Variants in COL23A1 observed in about 807,000 individuals in gnomAD.
COL23A1 encodes the protein collagen alpha-1(XXIII) chain.
Under a neutral mutation model 99.3 loss-of-function variants are expected in COL23A1, and 97 were observed. That is an observed-to-expected ratio of 0.98 (90% confidence interval 0.83 to 1.16). The LOEUF (loss-of-function observed/expected upper bound fraction) is 1.16, where lower values mean the gene tolerates loss of function less well. Among genes scored for constraint, COL23A1 ranks in the 50% most tolerant of loss-of-function variants. The pLI is 0.00. For missense variants in COL23A1, 762 were observed against 757.4 expected (o/e 1.01, Z -0.07); for synonymous variants, 320 against 308.2 (o/e 1.04, Z -0.40).
At chr5:178,585,267 A>G (rs1581686378) in intron 1 of COL23A1, among the ~76,000 whole-genome samples, 1 of 152,214 alleles carries the variant, frequency 6.6e-6, no homozygotes, top group East Asian at 1.9e-4. Context: ...CAACAGAAAC[A>G]TTCCATGGCC....
intron 5 of COL23A1, among the ~76,000 whole-genome samples, chr5:178,277,088 G>C (rs775308853): frequency 3.3e-5 from 5 of 152,088 alleles, no homozygotes; most frequent in Non-Finnish European, 5.9e-5. Flanking sequence ...AACCCAGACT[G>C]GGCATAACGG....
At chr5:178,272,639 G>T (rs1469983177) in intron 5 of COL23A1, among the ~76,000 whole-genome samples, 1 of 152,168 alleles carries the variant, frequency 6.6e-6, no homozygotes, top group African/African-American at 2.4e-5. Context: ...AGCTGCCCTA[G>T]CTGGACAGTG....
intron 2 of COL23A1, among the ~76,000 whole-genome samples, chr5:178,537,430 G>A (rs1344466495): frequency 6.6e-6 from 1 of 152,250 alleles, no homozygotes; most frequent in Non-Finnish European, 1.5e-5. Flanking sequence ...TGAAGGGCAA[G>A]CGATATTTCC....
intron 2 of COL23A1, among the ~76,000 whole-genome samples, chr5:178,513,162 G>A (rs948416060): frequency 3.3e-5 from 5 of 152,200 alleles, no homozygotes; most frequent in Non-Finnish European, 5.9e-5. Flanking sequence ...GGGACGAGAT[G>A]AGCTTCAGCT....
intron 2 of COL23A1, chr5:178,443,005 G>C (rs1363540451): frequency 6.6e-6 from 1 of 152,198 alleles, no homozygotes; most frequent in Non-Finnish European, 1.5e-5. Context: ...GGAATTTAAG[G>C]GCCCTGAAAG....
intron 3 of COL23A1, among the ~76,000 whole-genome samples, chr5:178,297,697 A>C (rs1394066189): frequency 5.3e-5 from 8 of 152,178 alleles, no homozygotes; most frequent in Admixed American, 5.2e-4. Flanking sequence ...CTTCCCTAAG[A>C]GGGACCATAT....
chr5:178,394,612 T>C (rs1764129855), intron 2 of COL23A1, among the ~76,000 whole-genome samples: 2 of 152,234 alleles, frequency 1.3e-5, no homozygotes, highest in Non-Finnish European at 2.9e-5. Flanking sequence ...AAAATCATCC[T>C]TAGCTAGCAT....
intron 2 of COL23A1, among the ~76,000 whole-genome samples, chr5:178,407,630 C>T (rs2127775055): frequency 6.6e-6 from 1 of 152,034 alleles, no homozygotes; most frequent in East Asian, 1.9e-4. Context: ...AGCAAAGAAA[C>T]AAGATATGAA....
At position 178,413,052 on chromosome 5, in the gene COL23A1, G is replaced by A. The variant is rs796437177; in HGVS notation, c.362-106133C>T. 2.0e-4 allele frequency among the ~76,000 whole-genome samples: 30 copies of A among 151,922 alleles called. 1 individual carries two copies. Among genetic ancestry groups the A allele is most frequent in the African/African-American group, 7.0e-4 (29 of 41,438 alleles). ...AAAAAAAATAGCTGGGCATACTGGT[G>A]TCTGCCTGTAGTCTCAGCTACTTGG... On this transcript the variant is annotated intron_variant, in intron 2 of 28. Transcript: ENST00000390654.
chr5:178,353,817 G>A (rs1761466060), intron 2 of COL23A1, among the ~76,000 whole-genome samples: 1 of 151,958 alleles, frequency 6.6e-6, no homozygotes, highest in Admixed American at 6.6e-5. Flanking sequence ...ACTCACCCCA[G>A]TGTCATTTAA....
chr5:178,406,399 G>A (rs10060728), intron 2 of COL23A1, among the ~76,000 whole-genome samples: 2,558 of 151,310 alleles, frequency 0.017, 79 homozygotes, highest in African/African-American at 0.058. Context: ...CTCCAAAATT[G>A]ATGACATACC....
At chr5:178,518,963 C>T (rs1417713414) in intron 2 of COL23A1, among the ~76,000 whole-genome samples, 7 of 148,582 alleles carry the variant, frequency 4.7e-5, no homozygotes, top group Non-Finnish European at 6.0e-5. Flanking sequence ...GCAGCGGCTC[C>T]GCTTCATATC....
intron 2 of COL23A1, among the ~76,000 whole-genome samples, chr5:178,328,028 C>T (rs1759790588): frequency 6.6e-6 from 1 of 152,212 alleles, no homozygotes; most frequent in South Asian, 2.1e-4. Flanking sequence ...CAATTCCAGG[C>T]TCTGGCCAGG....
At chr5:178,239,214 G>A in intron 27 of COL23A1, 35 bp from the exon 28 acceptor site, 1 of 1,612,940 alleles carries the variant, frequency 6.2e-7, no homozygotes, top group Non-Finnish European at 8.5e-7. Context: ...ATGGGGATGG[G>A]GCCTGGGGAG....
At chr5:178,391,615 T>C (rs928509591) in intron 2 of COL23A1, among the ~76,000 whole-genome samples, 5 of 152,170 alleles carry the variant, frequency 3.3e-5, no homozygotes, top group Admixed American at 2.6e-4. Context: ...ACTGGAACCC[T>C]CATCCATAGC....
chr5:178,519,926 C>T (rs1322981595), intron 2 of COL23A1, among the ~76,000 whole-genome samples: 2 of 143,218 alleles, frequency 1.4e-5, no homozygotes, highest in Non-Finnish European at 3.0e-5. Context: ...GTCAGATGGA[C>T]AGATGGTTGG....
At chr5:178,390,706 G>A (rs1418778524) in intron 2 of COL23A1, among the ~76,000 whole-genome samples, 1 of 152,234 alleles carries the variant, frequency 6.6e-6, no homozygotes, top group Non-Finnish European at 1.5e-5. Context: ...TCAACACATG[G>A]TGCTGGCACA....
At position 178,387,258 on chromosome 5, in the gene COL23A1, A is replaced by G. The variant is rs1763723740; in HGVS notation, c.362-80339T>C. On this transcript the variant is annotated intron_variant, in intron 2 of 28. Transcript: ENST00000390654. This position sits in a 1 kb window ranked among gnomAD's most constrained non-coding sequence, Gnocchi z 4.7. ...GAAAGCCACGTTCTGTAGCCTGGTG[A>G]TCACCCCTTATGCCTGGGCCCAGAC... Among the ~76,000 whole-genome samples the G allele has an allele frequency of 6.6e-6, 1 of 151,820 alleles. No individual in the cohort carries two copies. The highest frequency in any genetic ancestry group is 1.5e-5 in the Non-Finnish European group (1 of 67,964).
At position 178,428,083 on chromosome 5, in the gene COL23A1, C is replaced by T. The variant is rs1766049230; in HGVS notation, c.362-121164G>A. Among the ~76,000 whole-genome samples the T allele has an allele frequency of 2.0e-5, 3 of 152,182 alleles. No homozygotes were observed. The South Asian group carries it at 6.2e-4, about 32-fold the overall frequency. ...ATTTGGCTCTGGTCCAAGCCCTCTC[C>T]TCCAGTCCAGCCTTTCCAGCAATGA... is the stretch of plus-strand genomic sequence containing the variant. On this transcript the variant is annotated intron_variant, in intron 2 of 28. Coordinates refer to ENST00000390654, the MANE Select transcript of COL23A1 (RefSeq NM_173465.4). The surrounding 1 kb of genome is among the most constrained non-coding windows in gnomAD (Gnocchi z 5.0).
Sources: gnomAD v4.1 joint callset for allele counts (sites outside exome capture counted in the v4.1 genomes callset) on GRCh38, gnomAD v4.1.1 for gene constraint, Gnocchi (gnomAD v3.1) non-coding constraint, MANE v1.5 for transcripts, NCBI Gene and HGNC (gene_info 2026-07-23, HGNC 2026-07-21) for gene names.